The following LAMA2 variants were observed in gnomAD, a reference collection of about 807,000 sequenced individuals.
LAMA2 encodes the protein laminin subunit alpha-2.
LAMA2 carries 269 observed loss-of-function variants against 364.8 expected under a neutral mutation model. The ratio of observed to expected loss-of-function variants is 0.74; its 90% CI spans 0.67 to 0.82. The LOEUF is 0.82. LAMA2 is among the 40% of genes least tolerant of loss of function. The pLI is 0.00. For synonymous variants in LAMA2, 1,379 were observed against 1,370.6 expected, an observed-to-expected ratio of 1.01 and a Z score of -0.14; for missense variants, 3,807 against 3,873.2, an observed-to-expected ratio of 0.98 and a Z score of 0.45.
At chr6:128,983,117 G>T (rs1783000192) in intron 1 of LAMA2, among the ~76,000 whole-genome samples, 1 of 151,910 alleles carries the variant, frequency 6.6e-6, no homozygotes, top group Non-Finnish European at 1.5e-5. Flanking sequence ...TAGTCCTTTG[G>T]GTACATACCC....
At chr6:129,359,927 A>G (rs1777368207) in intron 32 of LAMA2, among the ~76,000 whole-genome samples, 1 of 152,142 alleles carries the variant, frequency 6.6e-6, no homozygotes, top group African/African-American at 2.4e-5. Flanking sequence ...TACTGGCTGC[A>G]TGATTTGCCC....
intron 1 of LAMA2, among the ~76,000 whole-genome samples, chr6:129,013,917 G>A: frequency 6.6e-6 from 1 of 152,134 alleles, no homozygotes; most frequent in Admixed American, 6.5e-5. Context: ...ATGGGAAAAA[G>A]CAGACATGTG....
At chr6:129,284,980 A>G (rs1423913537) in intron 18 of LAMA2, among the ~76,000 whole-genome samples, 1 of 152,174 alleles carries the variant, frequency 6.6e-6, no homozygotes, top group East Asian at 1.9e-4. Flanking sequence ...TCGATAAACT[A>G]TTTTTAAAAA....
intron 1 of LAMA2, among the ~76,000 whole-genome samples, chr6:128,904,011 C>T (rs138137214): frequency 1.1e-4 from 16 of 152,286 alleles, no homozygotes; most frequent in Non-Finnish European, 2.2e-4. Context: ...AGGCAACTCC[C>T]GATAAGAGTT....
intron 1 of LAMA2, among the ~76,000 whole-genome samples, chr6:128,892,941 G>T (rs992693424): frequency 2.0e-5 from 3 of 151,744 alleles, no homozygotes; most frequent in African/African-American, 7.3e-5. Flanking sequence ...CTAAACTTGG[G>T]AACGCTGGAT....
chr6:129,261,099 C>A (rs1787096120), intron 15 of LAMA2, among the ~76,000 whole-genome samples: 2 of 152,094 alleles, frequency 1.3e-5, no homozygotes, highest in African/African-American at 2.4e-5. Context: ...CTATTGTATG[C>A]TGGATGGTAG....
At chr6:129,022,529 G>T (rs1267951538) in intron 1 of LAMA2, among the ~76,000 whole-genome samples, 1 of 151,964 alleles carries the variant, frequency 6.6e-6, no homozygotes, top group Non-Finnish European at 1.5e-5. Context: ...TACTTTAATC[G>T]CTTTTAGCCA....
intron 27 of LAMA2, among the ~76,000 whole-genome samples, chr6:129,317,064 A>T (rs769126271): frequency 1.3e-5 from 2 of 152,148 alleles, no homozygotes; most frequent in Non-Finnish European, 2.9e-5. Flanking sequence ...AGAGAGAATA[A>T]CTAATAGAGG....
intron 29 of LAMA2, among the ~76,000 whole-genome samples, chr6:129,335,369 T>C (rs1052212887): frequency 2.0e-5 from 3 of 151,198 alleles, no homozygotes; most frequent in Admixed American, 6.6e-5. Flanking sequence ...GATAGATAGA[T>C]AGATAGATAG....
chr6:129,167,751 T>C (rs1336952806), intron 9 of LAMA2, among the ~76,000 whole-genome samples: 1 of 152,142 alleles, frequency 6.6e-6, no homozygotes, highest in African/African-American at 2.4e-5. Context: ...ACTTCCACAA[T>C]GGTTGAACTA....
chr6:129,242,657 A>C (rs1785472474), intron 12 of LAMA2, among the ~76,000 whole-genome samples: 1 of 152,176 alleles, frequency 6.6e-6, no homozygotes, highest in Non-Finnish European at 1.5e-5. Flanking sequence ...TCTAGCCCAT[A>C]GTAAAAGTGC....
Position 129,492,012 on chromosome 6 carries a change from A to C in LAMA2, c.8010A>C (p.Gln2670His). 6.2e-7 allele frequency: 1 copy of C among 1,614,088 alleles called. No homozygotes were observed. Residue 2670 changes from glutamine (Q) to histidine (H), a missense_variant, in exon 57 of 65, where the codon CAA becomes CAC. By Grantham distance (24) the Gln-to-His change is conservative. Around this residue, in one of 3 missense-constraint regions of LAMA2, gnomAD observed 3,333 missense variants for 3,345.7 expected, o/e 1.00. Transcript: ENST00000421865. ...LFVGGAPPEFQPSPLRNIPPF... is the reference protein window; with the variant it reads ...LFVGGAPPEFHPSPLRNIPPF... Reference sequence around the variant, plus strand: ...TTGGGGGTGCTCCACCTGAATTTCAACCTTCCCCACTCAGAAATATTCCTC... The same window carrying C: ...TTGGGGGTGCTCCACCTGAATTTCACCCTTCCCCACTCAGAAATATTCCTC...
At chr6:129,402,589 T>C in intron 39 of LAMA2, 102 bp downstream of exon 39, 1 of 1,211,960 alleles carries the variant, frequency 8.3e-7, no homozygotes, top group Non-Finnish European at 1.2e-6. Context: ...CTGATTTCTG[T>C]TAATTATGAA....
intron 36 of LAMA2, 104 bp from the exon 37 acceptor site, chr6:129,392,941 A>T: frequency 1.1e-6 from 1 of 921,446 alleles, no homozygotes; most frequent in Non-Finnish European, 1.7e-6. Flanking sequence ...TTATTTTCTC[A>T]TTCTTTTCAT....
intron 1 of LAMA2, among the ~76,000 whole-genome samples, chr6:129,029,432 G>A (rs552938955): frequency 2.6e-5 from 4 of 152,062 alleles, no homozygotes; most frequent in African/African-American, 9.6e-5. Flanking sequence ...TTTAATTGGA[G>A]AACAACATAG....
At chr6:129,423,051 G>A (rs1040819285) in intron 40 of LAMA2, among the ~76,000 whole-genome samples, 2 of 151,982 alleles carry the variant, frequency 1.3e-5, no homozygotes, top group African/African-American at 4.8e-5. Flanking sequence ...ATTAGTCAGT[G>A]TAATTTACCA....
intron 62 of LAMA2, among the ~76,000 whole-genome samples, chr6:129,508,498 C>T (rs1786294820): frequency 6.6e-6 from 1 of 151,900 alleles, no homozygotes; most frequent in African/African-American, 2.4e-5. Flanking sequence ...CATTAACCAT[C>T]CCTACTCCTC....
At chr6:129,224,281 T>C (rs183356897) in intron 12 of LAMA2, among the ~76,000 whole-genome samples, 14 of 152,328 alleles carry the variant, frequency 9.2e-5, no homozygotes, top group Admixed American at 3.9e-4. Context: ...TACAATTATG[T>C]CATCTGCAAA....
At position 129,369,882 on chromosome 6, in the gene LAMA2, T is replaced by A. The variant is rs745468896; in HGVS notation, c.4861-10T>A. ...TACTAAAAATGTTTATGGGATGGAA[T>A]CTTTTTCAGCACTTGCTGTCACCTC... On this transcript the variant is annotated splice_polypyrimidine_tract_variant and intron_variant, in intron 33 of 64. Coordinates refer to ENST00000421865, the MANE Select transcript of LAMA2 (RefSeq NM_000426.4). The A allele has an allele frequency of 9.9e-6, 16 of 1,612,734 alleles. No individual in the cohort carries two copies. The highest frequency in any genetic ancestry group is 1.4e-5 in the Non-Finnish European group (16 of 1,178,772).
Sources: allele counts gnomAD v4.1 joint callset (sites outside exome capture counted in the v4.1 genomes callset), GRCh38; gene constraint gnomAD v4.1.1; regional missense constraint gnomAD v4.1.1; transcripts MANE v1.5; gene names NCBI Gene and HGNC (gene_info 2026-07-23, HGNC 2026-07-21).